The following ARAP2 variants were observed in gnomAD, a reference collection of about 807,000 sequenced individuals.
ARAP2 encodes the protein arf-GAP with Rho-GAP domain, ANK repeat and PH domain-containing protein 2.
In ARAP2, 148 loss-of-function variants were observed where a neutral mutation model predicts 194.5. The observed-to-expected ratio is 0.76, with a 90% CI of 0.67 to 0.87. The LOEUF (loss-of-function observed/expected upper bound fraction) is 0.87. ARAP2 is among the 40% of genes least tolerant of loss of function. ARAP2 has a pLI of 0.00. For synonymous variants in ARAP2, 695 were observed against 683.5 expected (o/e 1.02, Z -0.26); for missense variants, 2,128 against 1,989.7 (o/e 1.07, Z -1.32).
intron 28 of ARAP2, among the ~76,000 whole-genome samples, chr4:36,089,455 G>A (rs570116117): frequency 6.6e-6 from 1 of 152,206 alleles, no homozygotes; most frequent in South Asian, 2.1e-4. Flanking sequence ...TGCTTGAGTA[G>A]AGCCACTGGA....
rs10027849 is a variant in ARAP2 at position 36,091,297 on chromosome 4, C to G, written c.4425+584G>C. Among the ~76,000 whole-genome samples, 1,328 of 152,134 alleles carry G rather than the reference C, an allele frequency of 8.7e-3. 15 individuals carry two copies. Among genetic ancestry groups the G allele is most frequent in the African/African-American group, 0.03 (1,248 of 41,518 alleles). Reference sequence around the variant, plus strand: ...AGATGAGATTTTCTGATGTTAAGTTCAATATTTTTATAGCTACATCATTTA... The same window carrying G: ...AGATGAGATTTTCTGATGTTAAGTTGAATATTTTTATAGCTACATCATTTA... On this transcript the variant is annotated intron_variant, in intron 28 of 32. Coordinates refer to ENST00000303965, the MANE Select transcript of ARAP2 (RefSeq NM_015230.4).
At chr4:36,181,962 G>A (rs940405653) in intron 8 of ARAP2, among the ~76,000 whole-genome samples, 2 of 152,168 alleles carry the variant, frequency 1.3e-5, no homozygotes, top group Admixed American at 1.3e-4. Context: ...GGGAAAGGAA[G>A]TAAAGAAGCA....
rs546140778 is a variant in ARAP2, at chr4:36,150,863, T to C, written c.2897+37A>G. On this transcript the variant is annotated intron_variant, in intron 16 of 32. Transcript: ENST00000303965. ...ATTACCTGTTATAATTATCTGAAAA[T>C]ACCTTTTACCTCCTAATTGTGTAAT... The C allele has an allele frequency of 6.3e-6, 10 of 1,584,394 alleles. No homozygotes were observed. In the Admixed American group the frequency reaches 7.3e-5, roughly 11 times the overall value.
intron 27 of ARAP2, among the ~76,000 whole-genome samples, chr4:36,105,211 A>G (rs914929816): frequency 2.7e-4 from 41 of 152,094 alleles, no homozygotes; most frequent in African/African-American, 9.9e-4. Flanking sequence ...TACCAGCTAC[A>G]TAAGAGGCTG....
rs906116200 is a variant in ARAP2 at position 36,171,874 on chromosome 4, A to G, written c.1858-4827T>C. On this transcript the variant is annotated intron_variant, in intron 9 of 32. Transcript: ENST00000303965. ...CATAATTTTTAAAAAATAGAATGCA[A>G]TGTGAATGGTAAATGTTCAATTAAA... is the stretch of plus-strand genomic sequence containing the variant. Among the ~76,000 whole-genome samples the G allele has an allele frequency of 5.9e-5, 9 of 152,346 alleles. No homozygotes were observed. The East Asian group carries it at 1.7e-3, about 29-fold the overall frequency.
chr4:36,239,058 C>T (rs1285784660), intron 1 of ARAP2, among the ~76,000 whole-genome samples: 1 of 151,964 alleles, frequency 6.6e-6, no homozygotes, highest in Non-Finnish European at 1.5e-5. Flanking sequence ...GGTGGATCAC[C>T]TGAGGTCAGG....
chr4:36,019,997 G>A (rs872322), intron 5 of ARAP2, among the ~76,000 whole-genome samples: 114,980 of 152,112 alleles, frequency 0.76, 43,734 homozygotes, highest in Admixed American at 0.85. Flanking sequence ...TGAATTTATA[G>A]TTTAGGCATA....
At chr4:36,013,144 C>A (rs1714854253) in intron 8 of ARAP2, among the ~76,000 whole-genome samples, 1 of 152,008 alleles carries the variant, frequency 6.6e-6, no homozygotes, top group Non-Finnish European at 1.5e-5. Context: ...TTAAGGAAGA[C>A]AAAACATTCT....
intron 12 of ARAP2, among the ~76,000 whole-genome samples, chr4:36,161,172 C>CACACACACAT (rs1553925130): frequency 3.3e-5 from 5 of 150,558 alleles, no homozygotes; most frequent in African/African-American, 9.8e-5. Context: ...CACACACACA[C>CACACACACAT]ACACACACAC....
rs138186092 is a variant in ARAP2, at chr4:36,123,743, G to T, written c.3746+1119C>A. Among the ~76,000 whole-genome samples, 928 of 151,860 alleles carry T rather than the reference G, an allele frequency of 6.1e-3. 9 individuals carry two copies. The highest frequency in any genetic ancestry group is 0.021 in the African/African-American group (880 of 41,488). ...GATCTGTTACTTCTTATCACTTAAA[G>T]GATAAAATCCAAATGTTTTTGCATG... On this transcript the variant is annotated intron_variant, in intron 22 of 32. Transcript: ENST00000303965.
At chr4:36,064,276 G>A (rs1368841202), downstream of ARAP2, among the ~76,000 whole-genome samples, 6 of 150,440 alleles carry the variant, frequency 4.0e-5, no homozygotes, top group African/African-American at 1.5e-4. Context: ...GGTCTGCACT[G>A]GTTGTGGAGG....
At chr4:36,188,777 T>A (rs1260761305) in intron 7 of ARAP2, among the ~76,000 whole-genome samples, 1 of 152,156 alleles carries the variant, frequency 6.6e-6, no homozygotes, top group East Asian at 1.9e-4. Context: ...CAGCAAACCA[T>A]TCCATGCAGG....
chr4:36,093,057 G>C (rs890181084), intron 27 of ARAP2, among the ~76,000 whole-genome samples: 13 of 152,114 alleles, frequency 8.5e-5, no homozygotes, highest in African/African-American at 3.1e-4. Flanking sequence ...CCTTTGCAGG[G>C]ACATGATGGA....
chr4:36,088,081 A>C (rs1364157756), intron 28 of ARAP2, among the ~76,000 whole-genome samples: 1 of 152,080 alleles, frequency 6.6e-6, no homozygotes, highest in East Asian at 1.9e-4. Context: ...TTATTACTGC[A>C]CTGTCATTAC....
chr4:36,054,907 T>C (rs546171822), intron 2 of ARAP2, among the ~76,000 whole-genome samples: 4 of 152,320 alleles, frequency 2.6e-5, no homozygotes, highest in African/African-American at 7.2e-5. Flanking sequence ...CATTTTATAA[T>C]GATTGGTGAT....
chr4:36,234,832 T>C (rs1752156754), intron 1 of ARAP2, among the ~76,000 whole-genome samples: 1 of 152,220 alleles, frequency 6.6e-6, no homozygotes, highest in Non-Finnish European at 1.5e-5. Flanking sequence ...CAAACCCATA[T>C]AAGCTACACA....
rs531247338 is a variant in ARAP2 at position 36,016,970 on chromosome 4, C to T, written n.751-1012G>A. Among the ~76,000 whole-genome samples the T allele has an allele frequency of 6.6e-5, 10 of 152,228 alleles. 2 individuals carry two copies. In the South Asian group the frequency reaches 2.1e-3, roughly 32 times the overall value. ...CTCGTAAGTCTGACAAGGCCACATTCATTCTGCCCTTTCACTCTCATTGTC... is the reference window on the plus strand; with the variant it reads ...CTCGTAAGTCTGACAAGGCCACATTTATTCTGCCCTTTCACTCTCATTGTC... On this transcript the variant is annotated intron_variant and non_coding_transcript_variant, in intron 6 of 12. Transcript: ENST00000503225.
downstream of ARAP2, among the ~76,000 whole-genome samples, chr4:36,064,279 T>G (rs1478829652): frequency 6.6e-6 from 1 of 151,958 alleles, no homozygotes; most frequent in African/African-American, 2.4e-5. Flanking sequence ...CTGCACTGGT[T>G]GTGGAGGAAT....
chr4:36,230,035 A>G (rs941848185), intron 1 of ARAP2, among the ~76,000 whole-genome samples: 1 of 152,222 alleles, frequency 6.6e-6, no homozygotes, highest in East Asian at 1.9e-4. Context: ...AAGTATTAGA[A>G]TAGGATAGCT....
Sources: allele counts gnomAD v4.1 joint callset (sites outside exome capture counted in the v4.1 genomes callset), GRCh38; gene constraint gnomAD v4.1.1; transcripts MANE v1.5; gene names NCBI Gene and HGNC (gene_info 2026-07-23, HGNC 2026-07-21).